The following ADGRL3 variants were observed in gnomAD, a reference collection of about 807,000 sequenced individuals.
ADGRL3 encodes adhesion G protein-coupled receptor L3.
Under a neutral mutation model 153.5 loss-of-function variants are expected in ADGRL3, and 62 were observed. The observed-to-expected ratio is 0.40, with a 90% CI of 0.33 to 0.50. The LOEUF is 0.50. ADGRL3 is among the 20% of genes least tolerant of loss of function. ADGRL3 has a pLI of 0.47. For synonymous variants in ADGRL3, 710 were observed against 672.5 expected, an observed-to-expected ratio of 1.06 and a Z score of -0.86; for missense variants, 1,641 against 1,859.4, an observed-to-expected ratio of 0.88 and a Z score of 2.16.
At chr4:61,255,879 A>G (rs936198756) in intron 1 of ADGRL3, among the ~76,000 whole-genome samples, 6 of 152,166 alleles carry the variant, frequency 3.9e-5, no homozygotes, top group Non-Finnish European at 5.9e-5. Context: ...TTTTGTAAGA[A>G]TAGTGTAAAG....
At chr4:61,816,819 A>G (rs905804812) in intron 9 of ADGRL3, among the ~76,000 whole-genome samples, 16 of 152,120 alleles carry the variant, frequency 1.1e-4, no homozygotes, top group African/African-American at 3.9e-4. Flanking sequence ...ACCAAGTTAA[A>G]GGGACAGCTT....
chr4:61,311,598 C>G (rs1175328951), intron 1 of ADGRL3, among the ~76,000 whole-genome samples: 2 of 152,142 alleles, frequency 1.3e-5, no homozygotes, highest in Non-Finnish European at 2.9e-5. Flanking sequence ...TCACACCTAA[C>G]TACCTTATGT....
rs140004664 is a variant in ADGRL3 at position 61,343,707 on chromosome 4, A to G, written c.-239-39417A>G. Among the ~76,000 whole-genome samples the G allele has an allele frequency of 3.0e-4, 45 of 152,318 alleles. 1 individual carries two copies. The East Asian group carries it at 7.3e-3, about 25-fold the overall frequency. On this transcript the variant is annotated intron_variant, in intron 1 of 26. Coordinates refer to ENST00000683033, the MANE Select transcript of ADGRL3 (RefSeq NM_001387552.1). Reference sequence around the variant, plus strand: ...AACACAGCATATTTTTTCTTCTTGTAAATCCACAGTGCATAATATCTTAAA... The same window carrying G: ...AACACAGCATATTTTTTCTTCTTGTGAATCCACAGTGCATAATATCTTAAA...
chr4:61,823,043 G>C (rs2097769887), intron 9 of ADGRL3, among the ~76,000 whole-genome samples: 1 of 152,102 alleles, frequency 6.6e-6, no homozygotes, highest in Non-Finnish European at 1.5e-5. Context: ...AAGTCACCGG[G>C]ATTAGTATGT....
At chr4:61,754,883 T>A (rs1171565348) in intron 8 of ADGRL3, among the ~76,000 whole-genome samples, 1 of 152,120 alleles carries the variant, frequency 6.6e-6, no homozygotes, top group East Asian at 1.9e-4. Flanking sequence ...GTTTTTTTAT[T>A]CTTGCGATAG....
intron 1 of ADGRL3, among the ~76,000 whole-genome samples, chr4:61,242,080 T>C (rs1257571905): frequency 1.3e-5 from 2 of 152,070 alleles, no homozygotes; most frequent in Non-Finnish European, 2.9e-5. Context: ...TCTTCAGTTG[T>C]GGTTCTTTCC....
chr4:61,721,588 T>A (rs918447634), intron 6 of ADGRL3, among the ~76,000 whole-genome samples: 1 of 152,232 alleles, frequency 6.6e-6, no homozygotes, highest in Non-Finnish European at 1.5e-5. Context: ...TCATCTCCTT[T>A]GGTAACACCC....
chr4:61,328,469 A>G (rs1482285807), intron 1 of ADGRL3, among the ~76,000 whole-genome samples: 1 of 152,174 alleles, frequency 6.6e-6, no homozygotes, highest in Non-Finnish European at 1.5e-5. Flanking sequence ...AGGAAAAGGC[A>G]GAAACACAGC....
At chr4:61,734,482 C>G (rs976491355) in intron 8 of ADGRL3, among the ~76,000 whole-genome samples, 5 of 152,136 alleles carry the variant, frequency 3.3e-5, no homozygotes, top group Admixed American at 6.6e-5. Flanking sequence ...TCTTACAAGG[C>G]AGCAGGCAAA....
chr4:61,731,933 A>G (rs1038150622), intron 7 of ADGRL3, among the ~76,000 whole-genome samples: 4 of 152,176 alleles, frequency 2.6e-5, no homozygotes, highest in Non-Finnish European at 5.9e-5. Flanking sequence ...TTCATCCTGA[A>G]GTATGAGCAG....
chr4:61,440,443 A>C (rs2097515081), intron 2 of ADGRL3, among the ~76,000 whole-genome samples: 1 of 152,200 alleles, frequency 6.6e-6, no homozygotes, highest in South Asian at 2.1e-4. Context: ...TGGAAGAAGG[A>C]CTTAGTAATT....
intron 2 of ADGRL3, among the ~76,000 whole-genome samples, chr4:61,431,886 T>C (rs557840374): frequency 6.6e-6 from 1 of 152,348 alleles, no homozygotes; most frequent in East Asian, 1.9e-4. Flanking sequence ...TTATCTCTGC[T>C]TTTCTTTCTT....
At chr4:61,646,684 G>C (rs915398360) in intron 5 of ADGRL3, among the ~76,000 whole-genome samples, 1 of 152,106 alleles carries the variant, frequency 6.6e-6, no homozygotes, top group African/African-American at 2.4e-5. Flanking sequence ...CTTCAAAGCT[G>C]TCAGACAGGG....
intron 4 of ADGRL3, among the ~76,000 whole-genome samples, chr4:61,578,306 T>C (rs13106848): frequency 1.3e-5 from 2 of 152,052 alleles, no homozygotes; most frequent in African/African-American, 4.8e-5. Flanking sequence ...TTCTAAACTG[T>C]TATCATTGGG....
rs531066840 is a variant in ADGRL3, at chr4:61,331,316, C to G, written c.-239-51808C>G. The stretch of plus-strand genomic sequence containing the variant: ...AAGGTTATGTAGGAGATACGTCCTC[C>G]AATATTTCCTGAAATACTTTTGTCC... On this transcript the variant is annotated intron_variant, in intron 1 of 26. Transcript: ENST00000683033. Among the ~76,000 whole-genome samples, 10 of 152,194 alleles carry G rather than the reference C, an allele frequency of 6.6e-5. 1 individual carries two copies. In the East Asian group the frequency reaches 1.9e-3, roughly 29 times the overall value.
rs901704704 is a variant in ADGRL3, at chr4:62,071,693, C to T, written c.*785C>T. On this transcript the variant is annotated 3_prime_UTR_variant, in exon 27 of 27. Transcript: ENST00000683033. ...TGTGCTGGTCTTGCAAGTTTGTCTACCAGTAAGAGAGCAAAGTTTCCTTCC... is the reference window on the plus strand; with the variant it reads ...TGTGCTGGTCTTGCAAGTTTGTCTATCAGTAAGAGAGCAAAGTTTCCTTCC... 3 of 422,594 alleles carry T rather than the reference C, an allele frequency of 7.1e-6. No individual in the cohort carries two copies. The highest frequency in any genetic ancestry group is 1.4e-5 in the Non-Finnish European group (3 of 216,472). The allele number at this position is 422,594 out of a possible 1,614,324, so 26.2% of individuals were successfully genotyped here. A position where few individuals can be genotyped will look rare whatever the true frequency, so the allele number is the denominator to read the frequency against.
intron 24 of ADGRL3, among the ~76,000 whole-genome samples, chr4:62,038,747 C>T (rs1283715284): frequency 2.0e-5 from 3 of 151,898 alleles, no homozygotes; most frequent in African/African-American, 7.3e-5. Flanking sequence ...TAGCTGGGAC[C>T]ACAGGCGTGT....
intron 5 of ADGRL3, among the ~76,000 whole-genome samples, chr4:61,649,468 C>T (rs776214767): frequency 1.4e-4 from 21 of 151,992 alleles, no homozygotes; most frequent in Non-Finnish European, 2.2e-4. Context: ...TGGAACTTTG[C>T]TCTTTTGTAT....
intron 5 of ADGRL3, among the ~76,000 whole-genome samples, chr4:61,606,299 A>T (rs1221794062): frequency 6.6e-6 from 1 of 152,192 alleles, no homozygotes; most frequent in Non-Finnish European, 1.5e-5. Flanking sequence ...GCAAAATAAT[A>T]GCTTGCTTAT....
Sources: allele counts gnomAD v4.1 joint callset (sites outside exome capture counted in the v4.1 genomes callset), GRCh38; gene constraint gnomAD v4.1.1; transcripts MANE v1.5; gene names NCBI Gene and HGNC (gene_info 2026-07-23, HGNC 2026-07-21).